LTBP1: variants seen among roughly 807,000 people sequenced by gnomAD.
The protein encoded by LTBP1 is latent transforming growth factor beta binding protein 1.
In LTBP1, 129 loss-of-function variants were observed where a neutral mutation model predicts 207.6. The observed-to-expected ratio is 0.62, with a 90% CI of 0.54 to 0.72. The LOEUF (loss-of-function observed/expected upper bound fraction) is 0.72. Among genes scored for constraint, LTBP1 ranks in the 30% least tolerant of loss-of-function variants. LTBP1 has a pLI of 0.00. For synonymous variants in LTBP1, 963 were observed against 833.7 expected, an observed-to-expected ratio of 1.16 and a Z score of -2.67; for missense variants, 2,281 against 2,217.2, an observed-to-expected ratio of 1.03 and a Z score of -0.58.
At chr2:33,208,007 AGTCAGTACTTTTCC>A (rs2090008538) in intron 7 of LTBP1, among the ~76,000 whole-genome samples, 1 of 152,250 alleles carries the variant, frequency 6.6e-6, no homozygotes, top group Non-Finnish European at 1.5e-5. Context: ...TGTTACATGT[AGTCAGTACTTTTCC>A]CATAGGGGAC....
intron 2 of LTBP1, among the ~76,000 whole-genome samples, chr2:32,993,056 C>G (rs891187307): frequency 3.9e-5 from 6 of 152,010 alleles, no homozygotes; most frequent in African/African-American, 1.5e-4. Context: ...GGTGGGCCTG[C>G]AGATGGAGAG....
intron 12 of LTBP1, among the ~76,000 whole-genome samples, chr2:33,258,335 A>G (rs980488928): frequency 2.0e-5 from 3 of 152,198 alleles, no homozygotes; most frequent in Non-Finnish European, 4.4e-5. Context: ...TTGGCTTTTC[A>G]CAGTTGATTC....
intron 2 of LTBP1, among the ~76,000 whole-genome samples, chr2:32,992,803 G>A (rs891968097): frequency 9.9e-5 from 15 of 152,136 alleles, no homozygotes; most frequent in African/African-American, 2.4e-4. Context: ...TCAGGGTGGC[G>A]CATGGAGGAA....
chr2:33,161,187 C>T (rs2148122052), intron 5 of LTBP1, among the ~76,000 whole-genome samples: 1 of 151,746 alleles, frequency 6.6e-6, no homozygotes, highest in East Asian at 1.9e-4. Context: ...CTATAATACC[C>T]TGTAAAATAG....
chr2:33,205,706 A>G (rs1033437148), intron 7 of LTBP1, among the ~76,000 whole-genome samples: 3 of 152,182 alleles, frequency 2.0e-5, no homozygotes, highest in African/African-American at 7.2e-5. Flanking sequence ...CTATTGATGG[A>G]ATTATGCCTC....
chr2:33,171,698 A>C (rs915271861), intron 5 of LTBP1, among the ~76,000 whole-genome samples: 1 of 152,168 alleles, frequency 6.6e-6, no homozygotes, highest in African/African-American at 2.4e-5. Flanking sequence ...TCCAAGACAC[A>C]TAATTGTCAG....
chr2:33,289,431 C>T (rs2148773237), intron 19 of LTBP1, among the ~76,000 whole-genome samples: 1 of 152,282 alleles, frequency 6.6e-6, no homozygotes, highest in South Asian at 2.1e-4. Context: ...ATGATCACAG[C>T]TCACTGCAGT....
In LTBP1 at chr2:32,953,122, T is replaced by C. The variant is rs78644196; in HGVS notation, c.565+4177T>C. Among the ~76,000 whole-genome samples the C allele has an allele frequency of 4.0e-3, 610 of 152,350 alleles. 8 individuals are homozygous for C. The highest frequency in any genetic ancestry group is 0.014 in the African/African-American group (574 of 41,588). Reference sequence around the variant, plus strand: ...TTTTCCATTGGCATTCAGCCCATGCTACTTTTGGGGAAAAAACCCAACTCT... The same window carrying C: ...TTTTCCATTGGCATTCAGCCCATGCCACTTTTGGGGAAAAAACCCAACTCT... On this transcript the variant is annotated intron_variant, in intron 2 of 33. Transcript: ENST00000404816.
At chr2:33,395,267 C>T (rs147910097) in intron 32 of LTBP1, among the ~76,000 whole-genome samples, 2,070 of 152,192 alleles carry the variant, frequency 0.014, 15 homozygotes, top group Non-Finnish European at 0.022. Context: ...AGCAGAAGAC[C>T]GAGTTCCTCT....
At chr2:33,175,090 G>C (rs913421896) in intron 5 of LTBP1, among the ~76,000 whole-genome samples, 3 of 152,076 alleles carry the variant, frequency 2.0e-5, no homozygotes, top group African/African-American at 7.2e-5. Flanking sequence ...TCAGGACATA[G>C]GCATGGGCAA....
intron 2 of LTBP1, among the ~76,000 whole-genome samples, chr2:33,007,580 T>C (rs1484653432): frequency 6.6e-6 from 1 of 152,216 alleles, no homozygotes; most frequent in Non-Finnish European, 1.5e-5. Context: ...TGGTTAAATG[T>C]GAGAAAGAAA....
chr2:33,174,705 C>T (rs1459897316), intron 5 of LTBP1, among the ~76,000 whole-genome samples: 1 of 152,138 alleles, frequency 6.6e-6, no homozygotes, highest in Non-Finnish European at 1.5e-5. Context: ...CAAAGTGAAT[C>T]CTAAGCCAAA....
chr2:33,247,446 A>G (rs1356837769), intron 10 of LTBP1, among the ~76,000 whole-genome samples: 1 of 152,242 alleles, frequency 6.6e-6, no homozygotes, highest in Non-Finnish European at 1.5e-5. Context: ...TTGGCAAATT[A>G]TAGCCCATGG....
At chr2:33,307,282 T>C (rs1255438245) in intron 22 of LTBP1, among the ~76,000 whole-genome samples, 1 of 152,170 alleles carries the variant, frequency 6.6e-6, no homozygotes, top group Admixed American at 6.5e-5. Flanking sequence ...TTTTCCTGGG[T>C]ATTTACTCAA....
At chr2:33,107,078 C>A (rs1343411706) in intron 3 of LTBP1, among the ~76,000 whole-genome samples, 1 of 152,114 alleles carries the variant, frequency 6.6e-6, no homozygotes, top group East Asian at 1.9e-4. Flanking sequence ...CGGGTTGTAA[C>A]CCATTAGAGA....
At chr2:33,053,655 T>G (rs1035788868) in intron 3 of LTBP1, among the ~76,000 whole-genome samples, 1 of 152,100 alleles carries the variant, frequency 6.6e-6, no homozygotes, top group South Asian at 2.1e-4. Flanking sequence ...CCCCACAAAC[T>G]GTTTTAATGT....
chr2:33,190,714 C>A (rs181834566), intron 7 of LTBP1, among the ~76,000 whole-genome samples: 20 of 152,244 alleles, frequency 1.3e-4, no homozygotes, highest in Admixed American at 5.9e-4. Context: ...GAATATTTAT[C>A]AAGATGAGTC....
chr2:33,142,343 C>T (rs2082698923), intron 5 of LTBP1, among the ~76,000 whole-genome samples: 1 of 152,090 alleles, frequency 6.6e-6, no homozygotes. Context: ...GCGTGAGCCA[C>T]CTTGCCGCAC....
intron 7 of LTBP1, 112 bp downstream of exon 7, chr2:33,188,963 C>G: frequency 3.2e-6 from 4 of 1,263,540 alleles, no homozygotes; most frequent in Non-Finnish European, 4.4e-6. Flanking sequence ...CTTTGACAAA[C>G]TATGACTTGT....
Sources: gnomAD v4.1 joint callset for allele counts (sites outside exome capture counted in the v4.1 genomes callset) on GRCh38, gnomAD v4.1.1 for gene constraint, MANE v1.5 for transcripts, NCBI Gene and HGNC (gene_info 2026-07-23, HGNC 2026-07-21) for gene names.